The following RALGPS1 variants were observed in gnomAD, a reference collection of about 807,000 sequenced individuals.
RALGPS1 encodes Ral GEF with PH domain and SH3 binding motif 1, also known as ras-specific guanine nucleotide-releasing factor RalGPS1.
A neutral mutation model predicts 78.8 loss-of-function variants in RALGPS1; 19 were observed. That is an observed-to-expected ratio of 0.24 (90% CI 0.17 to 0.35). The LOEUF (loss-of-function observed/expected upper bound fraction) is 0.35, where lower values mean the gene tolerates loss of function less well. RALGPS1 is among the 10% of genes least tolerant of loss of function. The probability of loss-of-function intolerance (pLI) is 1.00; values close to 1 mark genes in which losing one functional copy is unlikely to be tolerated. For missense variants in RALGPS1, 454 were observed against 688.3 expected (o/e 0.66, Z 3.81); for synonymous variants, 228 against 256.3 (o/e 0.89, Z 1.06).
intron 8 of RALGPS1, among the ~76,000 whole-genome samples, chr9:127,110,485 T>C (rs182045321): frequency 7.2e-5 from 11 of 152,282 alleles, no homozygotes; most frequent in Admixed American, 7.2e-4. Flanking sequence ...CATCCAGAGG[T>C]CACGTTGGTG....
chr9:127,108,648 C>T, intron 8 of RALGPS1: 1 of 1,613,702 alleles, frequency 6.2e-7, no homozygotes, highest in Non-Finnish European at 8.5e-7. Context: ...CCTCAGTGCC[C>T]TCAAAACCGT....
intron 8 of RALGPS1, among the ~76,000 whole-genome samples, chr9:127,078,107 G>A (rs1350031386): frequency 6.9e-6 from 1 of 145,044 alleles, no homozygotes; most frequent in Non-Finnish European, 1.6e-5. Flanking sequence ...CAGCAAGCAA[G>A]GAAAAGCTTC....
intron 8 of RALGPS1, among the ~76,000 whole-genome samples, chr9:127,072,622 A>T (rs2135938709): frequency 6.6e-6 from 1 of 152,332 alleles, no homozygotes; most frequent in Non-Finnish European, 1.5e-5. Flanking sequence ...ATCGGTTTTT[A>T]TACATGTTTC....
At chr9:126,975,091 G>A (rs1176499886) in intron 3 of RALGPS1, among the ~76,000 whole-genome samples, 2 of 152,120 alleles carry the variant, frequency 1.3e-5, no homozygotes, top group East Asian at 3.9e-4. Context: ...ATAATCTGAT[G>A]ATCTTTGTAA....
chr9:126,988,966 T>C (rs1454075394), intron 4 of RALGPS1, among the ~76,000 whole-genome samples: 3 of 152,130 alleles, frequency 2.0e-5, no homozygotes, highest in Non-Finnish European at 2.9e-5. Flanking sequence ...AGACAGCCGA[T>C]GGCCTGAAAA....
intron 1 of RALGPS1, among the ~76,000 whole-genome samples, chr9:126,958,126 TA>T (rs11290290): frequency 0.28 from 21,566 of 77,524 alleles, 3,661 homozygotes; most frequent in East Asian, 0.63. Flanking sequence ...GCTGTCTCTT[TA>T]AAAAAAAAAA....
intron 5 of RALGPS1, among the ~76,000 whole-genome samples, chr9:127,046,309 C>T (rs1589190443): frequency 6.6e-6 from 1 of 152,260 alleles, no homozygotes; most frequent in South Asian, 2.1e-4. Context: ...TAGTGACTTC[C>T]TTGCAGAGTT....
At chr9:127,088,285 A>G (rs1351352360) in intron 8 of RALGPS1, 2 of 152,232 alleles carry the variant, frequency 1.3e-5, no homozygotes, top group East Asian at 1.9e-4. Context: ...TTAGGTGCCA[A>G]AAGGGGTTCT....
intron 8 of RALGPS1, among the ~76,000 whole-genome samples, chr9:127,141,598 C>A (rs2057776554): frequency 1.6e-5 from 2 of 127,764 alleles, no homozygotes; most frequent in Admixed American, 9.1e-5. Flanking sequence ...CACAGGGTTG[C>A]CAATATTTTT....
intron 11 of RALGPS1, among the ~76,000 whole-genome samples, chr9:127,185,031 A>G (rs867736358): frequency 6.6e-6 from 1 of 152,198 alleles, no homozygotes; most frequent in South Asian, 2.1e-4. Flanking sequence ...CACTATGCCC[A>G]TCTACCCAGT....
rs1377857525 is a variant in RALGPS1, at chr9:127,212,237, G to A, written c.1353+1G>A. ...GCTCAAGGAAGGGCGGAAGCCTGCG[G>A]TAAGTACAGACCCACATCCACCGGG... On this transcript the variant is annotated splice_donor_variant, in intron 15 of 18. Coordinates refer to ENST00000259351, the MANE Select transcript of RALGPS1 (RefSeq NM_014636.3). LOFTEE classifies it high-confidence loss of function. The surrounding 1 kb of genome is among the most constrained non-coding windows in gnomAD (Gnocchi z 6.0). 1 of 1,609,418 alleles carries A rather than the reference G, an allele frequency of 6.2e-7. No homozygotes were observed. The highest frequency in any genetic ancestry group is 8.5e-7 in the Non-Finnish European group (1 of 1,176,472).
intron 5 of RALGPS1, among the ~76,000 whole-genome samples, chr9:127,042,387 C>T (rs2047395666): frequency 6.6e-6 from 1 of 152,082 alleles, no homozygotes; most frequent in Admixed American, 6.5e-5. Context: ...ATGTAATCCA[C>T]TGTACAATAG....
At chr9:127,137,979 G>A (rs2057516866) in intron 8 of RALGPS1, among the ~76,000 whole-genome samples, 1 of 152,216 alleles carries the variant, frequency 6.6e-6, no homozygotes, top group South Asian at 2.1e-4. Context: ...ACTAATATCA[G>A]TATGATTAGA....
chr9:127,048,133 C>G (rs1022599187), intron 5 of RALGPS1, among the ~76,000 whole-genome samples: 1 of 152,070 alleles, frequency 6.6e-6, no homozygotes, highest in African/African-American at 2.4e-5. Flanking sequence ...CTTCCTCTCA[C>G]CTTGTTGCAC....
chr9:127,131,119 G>A lies in RALGPS1; in HGVS notation c.611-34950G>A, dbSNP rs539989080. Among the ~76,000 whole-genome samples, 7 of 152,330 alleles carry A rather than the reference G, an allele frequency of 4.6e-5. No homozygotes were observed. In the South Asian group the frequency reaches 1.0e-3, roughly 23 times the overall value. ...ATAGACTAGCTTGACTGTGGGCTGTGGGGGTGGAGGGCAATGTTGACAGGA... is the reference window on the plus strand; with the variant it reads ...ATAGACTAGCTTGACTGTGGGCTGTAGGGGTGGAGGGCAATGTTGACAGGA... On this transcript the variant is annotated intron_variant, in intron 8 of 18. Transcript: ENST00000259351.
intron 1 of RALGPS1, among the ~76,000 whole-genome samples, chr9:126,949,070 G>T (rs2037555427): frequency 6.6e-6 from 1 of 151,990 alleles, no homozygotes; most frequent in Admixed American, 6.6e-5. Flanking sequence ...GCGGTGTTTG[G>T]TTTTTTGTCC....
At chr9:127,022,277 C>T (rs928613852) in intron 4 of RALGPS1, among the ~76,000 whole-genome samples, 1 of 152,112 alleles carries the variant, frequency 6.6e-6, no homozygotes, top group African/African-American at 2.4e-5. Flanking sequence ...ACACACACAG[C>T]CCTTAACAGG....
Position 127,187,654 on chromosome 9 carries a change from T to C in RALGPS1, c.911-7437T>C, listed in dbSNP as rs530623771. Among the ~76,000 whole-genome samples the C allele has an allele frequency of 6.6e-5, 10 of 152,256 alleles. No homozygotes were observed. In the East Asian group the frequency reaches 1.7e-3, roughly 26 times the overall value. ...GACCTTTAGAAAACACTTTTCTGAGTCAGGGTGGGAGCCAGAGTGACTCAG... is the reference window on the plus strand; with the variant it reads ...GACCTTTAGAAAACACTTTTCTGAGCCAGGGTGGGAGCCAGAGTGACTCAG... On this transcript the variant is annotated intron_variant, in intron 11 of 18. Transcript: ENST00000259351.
chr9:126,976,333 TTTCA>T (rs1021260415), intron 3 of RALGPS1, among the ~76,000 whole-genome samples: 11 of 135,040 alleles, frequency 8.1e-5, no homozygotes, highest in African/African-American at 2.0e-4. Context: ...ACACACACAC[TTTCA>T]TATACACGCA....
Sources: gnomAD v4.1 joint callset for allele counts (sites outside exome capture counted in the v4.1 genomes callset) on GRCh38, gnomAD v4.1.1 for gene constraint, Gnocchi (gnomAD v3.1) non-coding constraint, MANE v1.5 for transcripts, NCBI Gene and HGNC (gene_info 2026-07-23, HGNC 2026-07-21) for gene names.